Variants in NRK observed in about 807,000 individuals in gnomAD.
The protein encoded by NRK is nik-related protein kinase.
Under a neutral mutation model 125.2 loss-of-function variants are expected in NRK, and 67 were observed. That is an observed-to-expected ratio of 0.54 (90% confidence interval 0.44 to 0.66). The LOEUF is 0.66. Ranked by LOEUF, NRK falls within the 30% of genes least tolerant of loss-of-function variation. NRK has a pLI of 0.00. For missense variants in NRK, 1,224 were observed against 1,192.9 expected, an observed-to-expected ratio of 1.03 and a Z score of -0.38; for synonymous variants, 458 against 429.0, an observed-to-expected ratio of 1.07 and a Z score of -0.84.
chrX:105,870,836 C>T (rs745436013), intron 2 of NRK, among the ~76,000 whole-genome samples: 30 of 111,596 alleles, frequency 2.7e-4, no homozygotes, highest in Non-Finnish European at 4.9e-4. Flanking sequence ...TAAGCATGAC[C>T]ATGACTGTCC....
intron 27 of NRK, among the ~76,000 whole-genome samples, chrX:105,951,016 T>C (rs1437770932): frequency 9.1e-6 from 1 of 110,146 alleles, no homozygotes; most frequent in African/African-American, 3.3e-5. Flanking sequence ...TCTTCTTTTT[T>C]TTTTTTTCAT....
intron 16 of NRK, among the ~76,000 whole-genome samples, chrX:105,917,960 C>T (rs759257483): frequency 5.1e-4 from 56 of 110,497 alleles, no homozygotes; most frequent in African/African-American, 1.7e-3. Flanking sequence ...TTCTATACCA[C>T]GTAAGAAAAG....
chrX:105,910,147 AGT>A (rs986493779), intron 13 of NRK, among the ~76,000 whole-genome samples: 1 of 112,096 alleles, frequency 8.9e-6, no homozygotes, highest in Non-Finnish European at 1.9e-5. Flanking sequence ...TAACCAATAA[AGT>A]GTCAACGAAT....
intron 2 of NRK, among the ~76,000 whole-genome samples, chrX:105,854,785 G>C (rs930681511): frequency 1.8e-5 from 2 of 111,869 alleles, no homozygotes; most frequent in Admixed American, 9.5e-5. Flanking sequence ...GGGAAGCTGA[G>C]TAGTGTATTA....
chrX:105,924,573 A>G (rs767153708), intron 18 of NRK, 122 bp from the exon 19 acceptor site: 1 of 557,551 alleles, frequency 1.8e-6, no homozygotes, highest in Non-Finnish European at 2.9e-6. Flanking sequence ...TTCACATAGA[A>G]CAAAGACAAG....
intron 5 of NRK, among the ~76,000 whole-genome samples, chrX:105,891,229 G>A (rs1036653589): frequency 4.5e-5 from 5 of 111,598 alleles, no homozygotes; most frequent in African/African-American, 1.6e-4. Context: ...AGATCAATAA[G>A]ATATAAATTG....
At chrX:105,953,009 TG>T (rs1437805660) in intron 27 of NRK, 24 bp from the exon 28 acceptor site, 17 of 1,085,581 alleles carry the variant, frequency 1.6e-5, no homozygotes, top group Non-Finnish European at 1.9e-5. Context: ...TGTGTTTTTC[TG>T]ATTTTTTTTC....
chrX:105,908,998 G>A lies in NRK; in HGVS notation c.1357G>A (p.Val453Met), dbSNP rs1292597311. The A allele has an allele frequency of 1.7e-6, 2 of 1,208,304 alleles. No individual in the cohort carries two copies. The highest frequency in any genetic ancestry group is 3.5e-5 in the African/African-American group (2 of 56,985). ...GGTGTTCATGCCACTACAGGCTCAG[G>A]TGAAGGCTAAGGCCTCTAAACCTCT... ...ARVFMPLQAQ[V>M]KAKASKPLQM... is the part of the protein sequence containing the mutation. Residue 453 changes from valine (V) to methionine (M), a missense_variant, in exon 13 of 29, where the codon GTG (valine) becomes ATG (methionine). Val to Met is a conservative substitution (Grantham distance 21). Transcript: ENST00000243300.
At position 105,921,933 on chromosome X, in the gene NRK, T is replaced by C. The variant is rs12834331; in HGVS notation, c.2513-31T>C. On this transcript the variant is annotated intron_variant, in intron 16 of 28. Coordinates refer to ENST00000243300, the MANE Select transcript of NRK (RefSeq NM_198465.4). Reference sequence around the variant, plus strand: ...ATGAAGGCAATGGCTGTAATCACCATTGTTACTAATGTGTTTTTGGCATTC... The same window carrying C: ...ATGAAGGCAATGGCTGTAATCACCACTGTTACTAATGTGTTTTTGGCATTC... The C allele has an allele frequency of 7.0e-6, 5 of 717,007 alleles. No homozygotes were observed. The Admixed American group carries it at 7.2e-5, about 10-fold the overall frequency. 59.1% of individuals were successfully genotyped at this position (717,007 alleles called of 1,213,427 possible). A position where few individuals can be genotyped will look rare whatever the true frequency, so the allele number is the denominator to read the frequency against.
chrX:105,862,824 A>C (rs2039619598), intron 2 of NRK, among the ~76,000 whole-genome samples: 1 of 112,150 alleles, frequency 8.9e-6, no homozygotes, highest in Admixed American at 9.4e-5. Context: ...AAGTTGATTA[A>C]ATTTGTTTCC....
At chrX:105,865,867 G>T (rs1239704115) in intron 2 of NRK, among the ~76,000 whole-genome samples, 2 of 109,655 alleles carry the variant, frequency 1.8e-5, no homozygotes, top group Non-Finnish European at 3.8e-5. Flanking sequence ...GCCATTTGTC[G>T]GTCAGCTCAG....
At position 105,957,480 on chromosome X, in the gene NRK, T is replaced by G. The variant is rs2040992651; in HGVS notation, c.*1880T>G. 8.9e-6 allele frequency: 1 copy of G among 112,008 alleles called. No homozygotes were observed. The highest frequency in any genetic ancestry group is 1.9e-5 in the Non-Finnish European group (1 of 53,171). The allele number at this position is 112,008 out of a possible 1,213,427, so 9.2% of individuals were successfully genotyped here. The stretch of plus-strand genomic sequence containing the variant: ...ATCAAGTCTTTTAATAATTCATTTT[T>G]TCTTCATAATATTTACTCAAAGTTA... On this transcript the variant is annotated 3_prime_UTR_variant, in exon 29 of 29. Coordinates refer to ENST00000243300, the MANE Select transcript of NRK (RefSeq NM_198465.4).
chrX:105,925,634 G>T (rs950729527), intron 19 of NRK, among the ~76,000 whole-genome samples: 1 of 110,778 alleles, frequency 9.0e-6, no homozygotes. Flanking sequence ...CTCTAGAAAC[G>T]ACTATTTACT....
intron 2 of NRK, among the ~76,000 whole-genome samples, chrX:105,870,685 A>G (rs1408309320): frequency 8.9e-6 from 1 of 111,766 alleles, no homozygotes; most frequent in East Asian, 2.8e-4. Context: ...GTTTCCCTGC[A>G]GGAGTAATAA....
intron 2 of NRK, among the ~76,000 whole-genome samples, chrX:105,854,134 T>C (rs1385465978): frequency 8.9e-6 from 1 of 111,995 alleles, no homozygotes; most frequent in Non-Finnish European, 1.9e-5. Flanking sequence ...TCTGGAAACC[T>C]GGGCAAGATT....
intron 11 of NRK, 40 bp downstream of exon 11, chrX:105,906,629 CAG>C (rs2040223008): frequency 1.4e-6 from 1 of 725,629 alleles, no homozygotes; most frequent in Non-Finnish European, 1.9e-6. Flanking sequence ...AATGAATATT[CAG>C]AGTTTATTCA....
At position 105,903,073 on chromosome X, in the gene NRK, A is replaced by G. The variant is rs763197179; in HGVS notation, c.767-2192A>G. Among the ~76,000 whole-genome samples the G allele has an allele frequency of 1.4e-3, 157 of 111,142 alleles. 1 individual carries two copies. The highest frequency in any genetic ancestry group is 4.8e-3 in the African/African-American group (146 of 30,513). On this transcript the variant is annotated intron_variant, in intron 9 of 28. Transcript: ENST00000243300. ...ATAATCATCCAAACATCAGAGTATCATAGGTTAATTTTGAATAGATGTGGT... is the reference window on the plus strand; with the variant it reads ...ATAATCATCCAAACATCAGAGTATCGTAGGTTAATTTTGAATAGATGTGGT...
At position 105,956,715 on chromosome X, in the gene NRK, A is replaced by G. The variant is rs1415674583; in HGVS notation, c.*1115A>G. 8.9e-6 allele frequency: 1 copy of G among 112,117 alleles called. No homozygotes were observed. Among genetic ancestry groups the G allele is most frequent in the African/African-American group, 3.2e-5 (1 of 30,884 alleles). 9.2% of individuals were successfully genotyped at this position (112,117 alleles called of 1,213,427 possible). A position where few individuals can be genotyped will look rare whatever the true frequency, so the allele number is the denominator to read the frequency against. ...AAAAAAAAGATTTCACAAAATATAC[A>G]ACTTTCACCATATATATAAGCCTGC... On this transcript the variant is annotated 3_prime_UTR_variant, in exon 29 of 29. Transcript: ENST00000243300.
At chrX:105,870,573 A>C (rs1392150232) in intron 2 of NRK, among the ~76,000 whole-genome samples, 1 of 112,101 alleles carries the variant, frequency 8.9e-6, no homozygotes, top group Admixed American at 9.5e-5. Context: ...CCAAGAACAC[A>C]GAACTTTATT....
Sources: allele counts gnomAD v4.1 joint callset (sites outside exome capture counted in the v4.1 genomes callset), GRCh38; gene constraint gnomAD v4.1.1; transcripts MANE v1.5; gene names NCBI Gene and HGNC (gene_info 2026-07-23, HGNC 2026-07-21).